Variants in VLDLR observed in about 807,000 individuals in gnomAD.
VLDLR encodes the protein very low density lipoprotein receptor.
VLDLR carries 81 observed loss-of-function variants against 112.7 expected under a neutral mutation model. The observed-to-expected ratio is 0.72, with a 90% confidence interval of 0.60 to 0.86. The LOEUF is 0.86. Ranked by LOEUF, VLDLR falls within the 40% of genes least tolerant of loss-of-function variation. The pLI is 0.00. For missense variants in VLDLR, 1,237 were observed against 1,099.4 expected, an observed-to-expected ratio of 1.13 and a Z score of -1.77; for synonymous variants, 436 against 384.8, an observed-to-expected ratio of 1.13 and a Z score of -1.56.
Position 2,641,407 on chromosome 9 carries a change from G to C in VLDLR, c.356G>C (p.Ser119Thr), listed in dbSNP as rs1158792428. The stretch of plus-strand genomic sequence containing the variant: ...AGAACATGCCGCATACATGAAATCA[G>C]CTGTGGCGCCCATTCTACTCAGTGT... ...HMRTCRIHEI[S>T]CGAHSTQCIP... The change falls in exon 4 of 19, where the codon AGC becomes ACC. Residue 119 changes from serine (S) to threonine (T), a missense_variant. Transcript: ENST00000382100. 1 of 1,614,104 alleles carries C rather than the reference G, an allele frequency of 6.2e-7. No homozygotes were observed. The highest frequency in any genetic ancestry group is 8.5e-7 in the Non-Finnish European group (1 of 1,180,052).
intron 11 of VLDLR, 89 bp downstream of exon 11, chr9:2,646,641 A>C (rs1818089813): frequency 5.5e-4 from 668 of 1,220,998 alleles, no homozygotes; most frequent in Non-Finnish European, 6.9e-4. Flanking sequence ...CTCAAATCTC[A>C]AGGTTTATGA....
At position 2,622,130 on chromosome 9, in the gene VLDLR, T is replaced by A; in HGVS notation, c.-60T>A. The A allele has an allele frequency of 7.0e-7, 1 of 1,429,082 alleles. No homozygotes were observed. Among genetic ancestry groups the A allele is most frequent in the Non-Finnish European group, 9.2e-7 (1 of 1,085,734 alleles). The allele number at this position is 1,429,082 out of a possible 1,614,324, so 88.5% of individuals were successfully genotyped here. On this transcript the variant is annotated 5_prime_UTR_variant, in exon 1 of 19. In the 5' UTR this introduces an upstream ATG that the reference lacks. Transcript: ENST00000382100. ...TCCTCCTTTCGGAAGGACTGGTAAC[T>A]TGTCGTGCGGAGCGAACGGCGGCGG...
rs915723768 is a variant in VLDLR, at chr9:2,643,044, G to T, written c.449-116G>T. 9.3e-6 allele frequency: 14 copies of T among 1,503,184 alleles called. No homozygotes were observed. In the African/African-American group the frequency reaches 1.9e-4, roughly 21 times the overall value. The allele number at this position is 1,503,184 out of a possible 1,614,324, so 93.1% of individuals were successfully genotyped here. On this transcript the variant is annotated intron_variant, in intron 4 of 18. Coordinates refer to ENST00000382100, the MANE Select transcript of VLDLR (RefSeq NM_003383.5). ...GATTTAACTCCATTGTAGCCTTTAA[G>T]TTGGGCTAGTAAGTTAGGATTAATG...
rs1817896308 is a variant in VLDLR, at chr9:2,643,158, A to T, written c.449-2A>T. On this transcript the variant is annotated splice_acceptor_variant, in intron 4 of 18. Coordinates refer to ENST00000382100, the MANE Select transcript of VLDLR (RefSeq NM_003383.5). LOFTEE classifies it high-confidence loss of function. ...TCAGTGGGGCATCCTCTCTCTTAAT[A>T]GGCAATATAACATGTAGTCCCGACG... 13 of 1,609,718 alleles carry T rather than the reference A, an allele frequency of 8.1e-6. No homozygotes were observed. Among genetic ancestry groups the T allele is most frequent in the Non-Finnish European group, 9.3e-6 (11 of 1,180,018 alleles).
chr9:2,636,366 T>C (rs1817600299), intron 2 of VLDLR, among the ~76,000 whole-genome samples: 1 of 152,204 alleles, frequency 6.6e-6, no homozygotes, highest in African/African-American at 2.4e-5. Context: ...TTAAAAGATG[T>C]TATATAAAGA....
Position 2,646,316 on chromosome 9 carries a change from T to G in VLDLR, c.1485-18T>G. ...TTGTGTCAAACTCTTAAATTTCTTGTGACCTATTCTGTTTCAGTGCCTCAA... is the reference window on the plus strand; with the variant it reads ...TTGTGTCAAACTCTTAAATTTCTTGGGACCTATTCTGTTTCAGTGCCTCAA... On this transcript the variant is annotated intron_variant, in intron 10 of 18. Coordinates refer to ENST00000382100, the MANE Select transcript of VLDLR (RefSeq NM_003383.5). 5 of 1,612,438 alleles carry G rather than the reference T, an allele frequency of 3.1e-6. No individual in the cohort carries two copies. Among genetic ancestry groups the G allele is most frequent in the Non-Finnish European group, 3.4e-6 (4 of 1,178,436 alleles).
chr9:2,647,269 A>T (rs1302722829), intron 11 of VLDLR, among the ~76,000 whole-genome samples: 1 of 152,218 alleles, frequency 6.6e-6, no homozygotes, highest in Non-Finnish European at 1.5e-5. Flanking sequence ...AGACAAACAT[A>T]GATTATTATA....
At chr9:2,627,870 A>G (rs906106991) in intron 1 of VLDLR, among the ~76,000 whole-genome samples, 11 of 151,902 alleles carry the variant, frequency 7.2e-5, no homozygotes, top group African/African-American at 2.7e-4. Flanking sequence ...ATCTCAAAAA[A>G]AAAAAAAAAA....
chr9:2,624,693 T>G (rs2130756362), intron 1 of VLDLR, among the ~76,000 whole-genome samples: 1 of 152,300 alleles, frequency 6.6e-6, no homozygotes, highest in South Asian at 2.1e-4. Context: ...GTGGTAGTAA[T>G]AGACCTGGAG....
chr9:2,642,610 A>G (rs959232548), intron 4 of VLDLR, among the ~76,000 whole-genome samples: 1 of 152,212 alleles, frequency 6.6e-6, no homozygotes, highest in Non-Finnish European at 1.5e-5. Flanking sequence ...TTAAATGGTG[A>G]TTATAGCCCT....
Position 2,643,708 on chromosome 9 carries a change from C to G in VLDLR, c.901C>G (p.Arg301Gly). ...TGGCAGCAGGCAGTGTAATGGTATC[C>G]GAGACTGTGTCGATGGTTCCGATGA... ...IHGSRQCNGIRDCVDGSDEVN... is the reference protein window; with the variant it reads ...IHGSRQCNGIGDCVDGSDEVN... The change falls in exon 6 of 19, where the codon CGA (arginine) becomes GGA (glycine). Residue 301 changes from arginine to glycine, a missense_variant. Physicochemically the swap from Arg to Gly is moderately radical, Grantham distance 125 (BLOSUM62 -2). Transcript: ENST00000382100. The G allele has an allele frequency of 6.2e-7, 1 of 1,614,144 alleles. No individual in the cohort carries two copies. Among genetic ancestry groups the G allele is most frequent in the Non-Finnish European group, 8.5e-7 (1 of 1,180,032 alleles).
intron 1 of VLDLR, among the ~76,000 whole-genome samples, chr9:2,622,871 G>T (rs997227454): frequency 6.6e-6 from 1 of 152,148 alleles, no homozygotes. Flanking sequence ...CCCCCGGCGC[G>T]GGGCCGCCTC....
rs183795011 is a variant in VLDLR, at chr9:2,647,478, G to A, written c.1708G>A (p.Val570Ile). Residue 570 changes from valine to isoleucine, a missense_variant, in exon 12 of 19, where the codon GTT becomes ATT. Coordinates refer to ENST00000382100, the MANE Select transcript of VLDLR (RefSeq NM_003383.5). ...TTCTCATTTAATTTTTCACAGCTTT[G>A]TTTACTGGTCAGACTGGGGTGAACC... ...SIAVDPLSGF[V>I]YWSDWGEPAK... 10 of 1,613,596 alleles carry A rather than the reference G, an allele frequency of 6.2e-6. No homozygotes were observed. The highest frequency in any genetic ancestry group is 1.3e-5 in the African/African-American group (1 of 74,996).
intron 14 of VLDLR, 98 bp downstream of exon 14, chr9:2,648,908 T>C: frequency 6.6e-7 from 1 of 1,521,670 alleles, no homozygotes; most frequent in Non-Finnish European, 9.0e-7. Context: ...CTCAGTTTTC[T>C]TTAAAAGGGA....
In VLDLR at chr9:2,643,873, G is replaced by A; in HGVS notation, c.980G>A (p.Arg327Lys). Residue 327 changes from arginine (R) to lysine (K), a missense_variant, in exon 7 of 19, where the codon AGA (arginine) becomes AAA (lysine). Physicochemically the swap from Arg to Lys is conservative, Grantham distance 26. Transcript: ENST00000382100. Reference sequence around the variant, plus strand: ...TTGGGCCCTGGAAAATTCAAGTGCAGAAGTGGAGAATGCATAGATATCAGC... The same window carrying A: ...TTGGGCCCTGGAAAATTCAAGTGCAAAAGTGGAGAATGCATAGATATCAGC... ...QCLGPGKFKC[R>K]SGECIDISKV... 1.2e-6 allele frequency: 2 copies of A among 1,614,184 alleles called. No homozygotes were observed. The highest frequency in any genetic ancestry group is 2.2e-5 in the South Asian group (2 of 91,080).
In VLDLR at chr9:2,622,271, G is replaced by T. The variant is rs1064796597; in HGVS notation, c.82G>T (p.Gly28Trp). Residue 28 changes from glycine (G) to tryptophan (W), a missense_variant and splice_region_variant, in exon 1 of 19, where the codon GGG becomes TGG. Gly to Trp is a radical substitution (Grantham distance 184). Transcript: ENST00000382100. ...APRESGATGTGRKAKCEPSQF... is the reference protein window; with the variant it reads ...APRESGATGTWRKAKCEPSQF... Reference sequence around the variant, plus strand: ...CCGGGAGAGCGGCGCCACCGGAACCGGTGAGTGAGGACGCGCCCCTCCGCC... The same window carrying T: ...CCGGGAGAGCGGCGCCACCGGAACCTGTGAGTGAGGACGCGCCCCTCCGCC... The T allele has an allele frequency of 6.7e-7, 1 of 1,485,716 alleles. No individual in the cohort carries two copies. The highest frequency in any genetic ancestry group is 1.3e-5 in the South Asian group (1 of 77,966). The allele number at this position is 1,485,716 out of a possible 1,614,324, so 92.0% of individuals were successfully genotyped here. A position where few individuals can be genotyped will look rare whatever the true frequency, so the allele number is the denominator to read the frequency against.
intron 17 of VLDLR, among the ~76,000 whole-genome samples, chr9:2,652,333 A>T (rs1410058245): frequency 2.0e-5 from 3 of 152,206 alleles, no homozygotes; most frequent in Non-Finnish European, 4.4e-5. Flanking sequence ...GAGTTACAGG[A>T]CTTGTTGAGG....
At chr9:2,628,910 T>G (rs1218789348) in intron 1 of VLDLR, among the ~76,000 whole-genome samples, 1 of 152,196 alleles carries the variant, frequency 6.6e-6, no homozygotes, top group African/African-American at 2.4e-5. Flanking sequence ...GTCCCTCCTG[T>G]GATGAACATT....
At chr9:2,649,171 A>G (rs1818200619) in intron 14 of VLDLR, among the ~76,000 whole-genome samples, 1 of 152,164 alleles carries the variant, frequency 6.6e-6, no homozygotes, top group Non-Finnish European at 1.5e-5. Flanking sequence ...TTTTGCAATG[A>G]AGTACCACAG....
Sources: gnomAD v4.1 joint callset for allele counts (sites outside exome capture counted in the v4.1 genomes callset) on GRCh38, gnomAD v4.1.1 for gene constraint, MANE v1.5 for transcripts, NCBI Gene and HGNC (gene_info 2026-07-23, HGNC 2026-07-21) for gene names.